The following CNNM2 variants were observed in gnomAD, a reference collection of about 807,000 sequenced individuals.
CNNM2 encodes the protein metal transporter CNNM2.
In CNNM2, 12 loss-of-function variants were observed where a neutral mutation model predicts 66.9. That is an observed-to-expected ratio of 0.18 (90% confidence interval 0.11 to 0.29). The LOEUF (loss-of-function observed/expected upper bound fraction) is 0.29, where lower values mean the gene tolerates loss of function less well. Among genes scored for constraint, CNNM2 ranks in the 10% least tolerant of loss-of-function variants. The pLI, the probability that CNNM2 is intolerant of heterozygous loss-of-function variation, is 1.00. For missense variants in CNNM2, 705 were observed against 1,167.7 expected (o/e 0.60, Z 5.77); for synonymous variants, 557 against 501.8 (o/e 1.11, Z -1.47).
intron 1 of CNNM2, among the ~76,000 whole-genome samples, chr10:102,960,967 C>T (rs2063369963): frequency 6.6e-6 from 1 of 150,832 alleles, no homozygotes; most frequent in African/African-American, 2.4e-5. Context: ...GATCTTGGCT[C>T]ACTCCAACCT....
chr10:102,974,592 G>T (rs1292317831), intron 1 of CNNM2, among the ~76,000 whole-genome samples: 1 of 151,200 alleles, frequency 6.6e-6, no homozygotes, highest in African/African-American at 2.4e-5. Context: ...TTTTTTTTGA[G>T]ACAGGGTCTT....
At position 102,983,409 on chromosome 10, in the gene CNNM2, C is replaced by T. The variant is rs190142148; in HGVS notation, c.1621+63308C>T. Among the ~76,000 whole-genome samples the T allele has an allele frequency of 3.4e-3, 493 of 144,936 alleles. 2 individuals are homozygous for T. Among genetic ancestry groups the T allele is most frequent in the Non-Finnish European group, 6.0e-3 (399 of 66,574 alleles). On this transcript the variant is annotated intron_variant, in intron 1 of 7. Transcript: ENST00000369878. ...GGGCGTGGTGGCTCACACCTGTAATCCCAGCACTTTGGGAGGCCAAGTCGG... is the reference window on the plus strand; with the variant it reads ...GGGCGTGGTGGCTCACACCTGTAATTCCAGCACTTTGGGAGGCCAAGTCGG...
intron 1 of CNNM2, among the ~76,000 whole-genome samples, chr10:103,006,635 GTTC>G (rs1564842177): frequency 6.6e-6 from 1 of 151,868 alleles, no homozygotes; most frequent in Non-Finnish European, 1.5e-5. Context: ...TCAAATGCTG[GTTC>G]TTCTTTTACT....
rs183129001 is a variant in CNNM2 at position 102,979,543 on chromosome 10, C to G, written c.1621+59442C>G. 3.9e-5 allele frequency among the ~76,000 whole-genome samples: 6 copies of G among 152,312 alleles called. No homozygotes were observed. The East Asian group carries it at 1.2e-3, about 29-fold the overall frequency. ...TTTTGCATTATTTTTCCTCGTACTA[C>G]TTACTACTGAGCATGTCTATGTTTA... On this transcript the variant is annotated intron_variant, in intron 1 of 7. Coordinates refer to ENST00000369878, the MANE Select transcript of CNNM2 (RefSeq NM_017649.5).
intron 1 of CNNM2, among the ~76,000 whole-genome samples, chr10:103,019,246 G>A (rs1440878639): frequency 6.6e-6 from 1 of 150,380 alleles, no homozygotes; most frequent in Non-Finnish European, 1.5e-5. Flanking sequence ...TCCAGCCTGG[G>A]CGACATAGTG....
chr10:102,979,555 C>G (rs1188188535), intron 1 of CNNM2, among the ~76,000 whole-genome samples: 2 of 152,188 alleles, frequency 1.3e-5, no homozygotes, highest in Non-Finnish European at 2.9e-5. Context: ...TACTACTGAG[C>G]ATGTCTATGT....
intron 1 of CNNM2, among the ~76,000 whole-genome samples, chr10:102,994,008 T>A (rs2063942184): frequency 6.6e-6 from 1 of 152,102 alleles, no homozygotes; most frequent in Non-Finnish European, 1.5e-5. Flanking sequence ...ATCATCTTGG[T>A]TCACTGCAAC....
At chr10:102,969,887 C>T (rs996962374) in intron 1 of CNNM2, among the ~76,000 whole-genome samples, 2 of 152,082 alleles carry the variant, frequency 1.3e-5, no homozygotes, top group African/African-American at 4.8e-5. Flanking sequence ...AGGTGATCCG[C>T]CCACCTCGGC....
intron 1 of CNNM2, among the ~76,000 whole-genome samples, chr10:102,973,008 G>C (rs1052607414): frequency 5.3e-5 from 8 of 152,132 alleles, no homozygotes; most frequent in Admixed American, 5.2e-4. Flanking sequence ...ATGAAACTGG[G>C]ATGACAGCAT....
intron 1 of CNNM2, among the ~76,000 whole-genome samples, chr10:103,021,563 G>T (rs982638995): frequency 1.3e-5 from 2 of 152,136 alleles, no homozygotes; most frequent in Non-Finnish European, 2.9e-5. Flanking sequence ...GAGTTCTGGC[G>T]CTTTCGCTCG....
At chr10:102,999,329 G>A (rs1430527967) in intron 1 of CNNM2, among the ~76,000 whole-genome samples, 2 of 149,960 alleles carry the variant, frequency 1.3e-5, no homozygotes, top group African/African-American at 2.5e-5. Context: ...TGATCTGCCC[G>A]CCTCAGCCTC....
chr10:103,033,728 G>A (rs1045315279), intron 1 of CNNM2, among the ~76,000 whole-genome samples: 2 of 152,126 alleles, frequency 1.3e-5, no homozygotes, highest in South Asian at 2.1e-4. Flanking sequence ...CTTGTGATCC[G>A]CCTGCCTCGG....
chr10:103,058,403 T>A (rs1304524649), intron 4 of CNNM2, among the ~76,000 whole-genome samples: 2 of 152,210 alleles, frequency 1.3e-5, no homozygotes, highest in African/African-American at 4.8e-5. Context: ...ACAGGAGGAA[T>A]TGGAATATTG....
intron 1 of CNNM2, among the ~76,000 whole-genome samples, chr10:102,982,154 G>A (rs200770850): frequency 9.2e-5 from 14 of 152,106 alleles, no homozygotes; most frequent in African/African-American, 2.9e-4. Context: ...CTAAACAGTC[G>A]TCACTTTCTC....
At chr10:102,933,197 A>G (rs1846123355) in intron 1 of CNNM2, among the ~76,000 whole-genome samples, 1 of 152,186 alleles carries the variant, frequency 6.6e-6, no homozygotes, top group Non-Finnish European at 1.5e-5. Flanking sequence ...ACATAGGGGC[A>G]TTGCATCTGT....
At chr10:102,955,392 T>G (rs1846995942) in intron 1 of CNNM2, among the ~76,000 whole-genome samples, 1 of 152,202 alleles carries the variant, frequency 6.6e-6, no homozygotes, top group Non-Finnish European at 1.5e-5. Flanking sequence ...ATTAAAGACT[T>G]AAATGTTAGA....
chr10:103,026,247 CT>C (rs2064701007), intron 1 of CNNM2, among the ~76,000 whole-genome samples: 1 of 152,170 alleles, frequency 6.6e-6, no homozygotes, highest in African/African-American at 2.4e-5. Context: ...CTTTTCTATT[CT>C]CTTAAGTTTT....
chr10:102,964,574 T>C (rs1449757852), intron 1 of CNNM2, among the ~76,000 whole-genome samples: 2 of 152,092 alleles, frequency 1.3e-5, no homozygotes, highest in African/African-American at 4.8e-5. Flanking sequence ...TGGCATCAGG[T>C]GTCCTGTATT....
chr10:102,973,603 C>T (rs1184930258), intron 1 of CNNM2, among the ~76,000 whole-genome samples: 11 of 152,004 alleles, frequency 7.2e-5, no homozygotes, highest in Non-Finnish European at 1.5e-4. Flanking sequence ...GAGATCCACC[C>T]ACCTTGGCTT....
Sources: allele counts gnomAD v4.1 joint callset (sites outside exome capture counted in the v4.1 genomes callset), GRCh38; gene constraint gnomAD v4.1.1; transcripts MANE v1.5; gene names NCBI Gene and HGNC (gene_info 2026-07-23, HGNC 2026-07-21).